The following DAB1 variants were observed in gnomAD, a reference collection of about 807,000 sequenced individuals.
DAB1 encodes the protein DAB adaptor protein 1, also known as disabled homolog 1.
DAB1 carries 15 observed loss-of-function variants against 64.6 expected under a neutral mutation model. That is an observed-to-expected ratio of 0.23 (90% CI 0.16 to 0.36). The LOEUF (loss-of-function observed/expected upper bound fraction) is 0.36, where lower values mean the gene tolerates loss of function less well. Ranked by LOEUF, DAB1 falls within the 10% of genes least tolerant of loss-of-function variation. The probability of loss-of-function intolerance (pLI) is 1.00; values close to 1 mark genes in which losing one functional copy is unlikely to be tolerated. For missense variants in DAB1, 596 were observed against 706.7 expected, an observed-to-expected ratio of 0.84 and a Z score of 1.78; for synonymous variants, 235 against 251.9, an observed-to-expected ratio of 0.93 and a Z score of 0.64.
At chr1:57,767,789 C>G (rs1649381671) in intron 6 of DAB1, among the ~76,000 whole-genome samples, 1 of 152,078 alleles carries the variant, frequency 6.6e-6, no homozygotes, top group Admixed American at 6.6e-5. Flanking sequence ...TTTGACTGCT[C>G]TGAAATCAAT....
chr1:58,006,464 A>G (rs536147740), intron 5 of DAB1, among the ~76,000 whole-genome samples: 24 of 152,340 alleles, frequency 1.6e-4, no homozygotes, highest in African/African-American at 5.5e-4. Context: ...TATTGCAGAA[A>G]TAAGGATATT....
intron 4 of DAB1, among the ~76,000 whole-genome samples, chr1:58,222,116 G>T (rs1659203499): frequency 6.6e-6 from 1 of 152,160 alleles, no homozygotes; most frequent in African/African-American, 2.4e-5. Flanking sequence ...TTATCATCCA[G>T]TGGTTTTTGA....
chr1:58,130,892 T>A (rs1475922123), intron 5 of DAB1, among the ~76,000 whole-genome samples: 1 of 151,890 alleles, frequency 6.6e-6, no homozygotes, highest in Non-Finnish European at 1.5e-5. Flanking sequence ...CCCTTAACAT[T>A]TTTTCCTTCA....
chr1:58,074,556 A>ATGTGTG (rs1299720827), intron 5 of DAB1: 1 of 61,444 alleles, frequency 1.6e-5, no homozygotes, highest in Non-Finnish European at 2.9e-5. Context: ...ACACATATAT[A>ATGTGTG]TATGTGTGTA....
chr1:58,493,328 T>C (rs1013926140), intron 3 of DAB1, among the ~76,000 whole-genome samples: 10 of 152,140 alleles, frequency 6.6e-5, no homozygotes, highest in East Asian at 1.9e-4. Context: ...TGGGCAAAAA[T>C]TGGAAGCATT....
rs528009925 is a variant in DAB1, at chr1:58,306,267, G to GGGAAGGA, written n.309+37078_309+37084dup. 1.5e-3 allele frequency among the ~76,000 whole-genome samples: 233 copies of GGGAAGGA among 152,270 alleles called. 1 individual carries two copies. Among genetic ancestry groups the GGGAAGGA allele is most frequent in the African/African-American group, 5.3e-3 (219 of 41,562 alleles). On this transcript the variant is annotated intron_variant and non_coding_transcript_variant, in intron 4 of 20. Coordinates refer to the DAB1 transcript ENST00000485760. The stretch of plus-strand genomic sequence containing the variant: ...CTAATTTGACAACAATAGTTCAGTG[G>GGGAAGGA]GGAAGGAGGAAGGAGGAAAAGGAGA...
chr1:58,423,511 C>A (rs1272930358), intron 3 of DAB1, among the ~76,000 whole-genome samples: 1 of 152,202 alleles, frequency 6.6e-6, no homozygotes, highest in Non-Finnish European at 1.5e-5. Flanking sequence ...GCCAACCGCA[C>A]CGTCTGCCAT....
chr1:58,088,836 A>T (rs1557645131), intron 5 of DAB1, among the ~76,000 whole-genome samples: 2 of 152,210 alleles, frequency 1.3e-5, no homozygotes, highest in African/African-American at 2.4e-5. Flanking sequence ...ACACCATGTG[A>T]TAACACCATG....
Position 57,143,289 on chromosome 1 carries a change from A to G in DAB1, c.207+2001T>C, listed in dbSNP as rs190239020. 1.9e-3 allele frequency among the ~76,000 whole-genome samples: 286 copies of G among 152,316 alleles called. 3 individuals carry two copies. The highest frequency in any genetic ancestry group is 5.9e-3 in the African/African-American group (246 of 41,564). On this transcript the variant is annotated intron_variant, in intron 3 of 14. Transcript: ENST00000371236. ...AAAGCTCACTGTGGCTGTGTATCCA[A>G]GTCACATCCTCCAGGCCAGCATTTA... is the stretch of plus-strand genomic sequence containing the variant.
At chr1:58,419,345 T>C (rs745347135) in intron 3 of DAB1, among the ~76,000 whole-genome samples, 1 of 152,220 alleles carries the variant, frequency 6.6e-6, no homozygotes, top group Non-Finnish European at 1.5e-5. Flanking sequence ...TATCTCACAA[T>C]ATTTGAAATG....
Position 57,139,884 on chromosome 1 carries a change from T to C in DAB1, c.208-3243A>G, listed in dbSNP as rs144893731. ...CATTTCCACTTGGGGCTGCTGATGGTGACTTTACATGACAAATGAAAAAGA... is the reference window on the plus strand; with the variant it reads ...CATTTCCACTTGGGGCTGCTGATGGCGACTTTACATGACAAATGAAAAAGA... On this transcript the variant is annotated intron_variant, in intron 3 of 14. Transcript: ENST00000371236. Among the ~76,000 whole-genome samples the C allele has an allele frequency of 3.1e-3, 477 of 152,186 alleles. 3 individuals are homozygous for C. The highest frequency in any genetic ancestry group is 0.011 in the African/African-American group (458 of 41,518).
At chr1:58,438,134 C>T (rs929912124) in intron 3 of DAB1, among the ~76,000 whole-genome samples, 2 of 152,172 alleles carry the variant, frequency 1.3e-5, no homozygotes, top group Non-Finnish European at 2.9e-5. Context: ...CATTCTGAGT[C>T]GCACTCACAC....
At chr1:58,444,338 C>T (rs879895026) in intron 3 of DAB1, among the ~76,000 whole-genome samples, 4 of 152,164 alleles carry the variant, frequency 2.6e-5, no homozygotes, top group South Asian at 2.1e-4. Context: ...CTCACATCAA[C>T]GGTATAAGGT....
chr1:57,637,902 A>G (rs929680522), intron 7 of DAB1, among the ~76,000 whole-genome samples: 1 of 152,196 alleles, frequency 6.6e-6, no homozygotes, highest in African/African-American at 2.4e-5. Context: ...AATGAATTAT[A>G]GTGGATCGAC....
In DAB1 at chr1:57,982,168, T is replaced by C. The variant is rs145167752; in HGVS notation, n.388-98006A>G. Among the ~76,000 whole-genome samples the C allele has an allele frequency of 8.7e-3, 1,322 of 152,324 alleles. 10 individuals are homozygous for C. Among genetic ancestry groups the C allele is most frequent in the Admixed American group, 0.016 (244 of 15,298 alleles). ...AAGTGGTTTTATCCTGGTGGCCTAT[T>C]TGAGTTAGATTTAACTCTTTTTCCA... is the stretch of plus-strand genomic sequence containing the variant. On this transcript the variant is annotated intron_variant and non_coding_transcript_variant, in intron 5 of 20. Coordinates refer to the DAB1 transcript ENST00000485760.
At chr1:57,379,445 C>T (rs747996656) in intron 1 of DAB1, among the ~76,000 whole-genome samples, 5 of 152,140 alleles carry the variant, frequency 3.3e-5, no homozygotes, top group African/African-American at 4.8e-5. Context: ...TAAGAATCAA[C>T]GACCCAGAGT....
intron 1 of DAB1, among the ~76,000 whole-genome samples, chr1:57,840,652 T>C (rs184092481): frequency 6.6e-5 from 10 of 152,216 alleles, no homozygotes; most frequent in Admixed American, 2.6e-4. Flanking sequence ...AAGAACCTTC[T>C]TAACATGGCA....
intron 4 of DAB1, among the ~76,000 whole-genome samples, chr1:57,131,251 G>A (rs1657629477): frequency 6.6e-6 from 1 of 152,182 alleles, no homozygotes; most frequent in Non-Finnish European, 1.5e-5. Flanking sequence ...GGGGTCAAAT[G>A]ACCAGGGTGG....
In DAB1 at chr1:57,113,139, C is replaced by T. The variant is rs1655814098; in HGVS notation, c.306+23404G>A. 2.0e-5 allele frequency among the ~76,000 whole-genome samples: 3 copies of T among 152,164 alleles called. No homozygotes were observed. The South Asian group carries it at 6.2e-4, about 32-fold the overall frequency. ...TCTGAGAATGGCCTGTTTCATAACC[C>T]AGCTCTGTCACTTACCACCTGAGTG... On this transcript the variant is annotated intron_variant, in intron 4 of 14. Transcript: ENST00000371236.
Sources: gnomAD v4.1 joint callset for allele counts (sites outside exome capture counted in the v4.1 genomes callset) on GRCh38, gnomAD v4.1.1 for gene constraint, MANE v1.5 for transcripts, NCBI Gene and HGNC (gene_info 2026-07-23, HGNC 2026-07-21) for gene names.